Variants in SFMBT2 observed in about 807,000 individuals in gnomAD.
The protein encoded by SFMBT2 is scm-like with four MBT domains protein 2.
Under a neutral mutation model 110.1 loss-of-function variants are expected in SFMBT2, and 38 were observed. The ratio of observed to expected loss-of-function variants is 0.35; its 90% CI spans 0.27 to 0.45. The LOEUF is 0.45. Ranked by LOEUF, SFMBT2 falls within the 20% of genes least tolerant of loss-of-function variation. The pLI is 1.00. For synonymous variants in SFMBT2, 425 were observed against 425.4 expected (o/e 1.00, Z 0.01); for missense variants, 1,011 against 1,094.9 (o/e 0.92, Z 1.08).
intron 2 of SFMBT2, among the ~76,000 whole-genome samples, chr10:7,376,436 C>G (rs1203445379): frequency 1.3e-5 from 2 of 151,926 alleles, no homozygotes; most frequent in East Asian, 3.9e-4. Context: ...AAGGTCCCCC[C>G]ACCCTGTAGT....
chr10:7,246,454 C>A (rs1056664938), intron 8 of SFMBT2, among the ~76,000 whole-genome samples: 17 of 151,184 alleles, frequency 1.1e-4, no homozygotes, highest in South Asian at 4.2e-4. Flanking sequence ...GGTGCAGTGG[C>A]TCACGCCTAT....
chr10:7,225,270 G>A (rs1361446332), intron 10 of SFMBT2, among the ~76,000 whole-genome samples: 2 of 152,178 alleles, frequency 1.3e-5, no homozygotes, highest in African/African-American at 4.8e-5. Flanking sequence ...TTACCTGTGA[G>A]TTTATTTACC....
At chr10:7,394,119 C>A (rs1054350899) in intron 1 of SFMBT2, among the ~76,000 whole-genome samples, 1 of 152,072 alleles carries the variant, frequency 6.6e-6, no homozygotes, top group Non-Finnish European at 1.5e-5. Context: ...CCTAACTCAG[C>A]CTCTCAAGTA....
chr10:7,168,340 G>A lies in SFMBT2; in HGVS notation c.2544+2588C>T, dbSNP rs1472933132. 3.9e-5 allele frequency among the ~76,000 whole-genome samples: 6 copies of A among 152,262 alleles called. No homozygotes were observed. The East Asian group carries it at 1.2e-3, about 29-fold the overall frequency. The stretch of plus-strand genomic sequence containing the variant: ...GTATAAGCCCTCATACCTAACCTGG[G>A]ATCTAGAAATGAGAAATCTGCTCTT... On this transcript the variant is annotated intron_variant, in intron 20 of 20. Transcript: ENST00000397167.
chr10:7,380,777 T>A (rs1312432441), intron 2 of SFMBT2, among the ~76,000 whole-genome samples: 1 of 152,166 alleles, frequency 6.6e-6, no homozygotes, highest in Non-Finnish European at 1.5e-5. Context: ...AGGCTAGGTG[T>A]GGTGAATCAC....
chr10:7,276,417 A>G (rs934751279), intron 7 of SFMBT2, among the ~76,000 whole-genome samples: 1 of 152,260 alleles, frequency 6.6e-6, no homozygotes, highest in Non-Finnish European at 1.5e-5. Flanking sequence ...AATATGGGTC[A>G]TTATGAAGAT....
chr10:7,393,012 T>A (rs1265739165), intron 1 of SFMBT2, among the ~76,000 whole-genome samples: 2 of 87,854 alleles, frequency 2.3e-5, no homozygotes, highest in African/African-American at 1.5e-4. Context: ...TATATATATA[T>A]ATATATATAT....
intron 4 of SFMBT2, among the ~76,000 whole-genome samples, chr10:7,289,233 A>C (rs1176131697): frequency 6.6e-6 from 1 of 152,216 alleles, no homozygotes; most frequent in Non-Finnish European, 1.5e-5. Context: ...TTACAAAAGA[A>C]GAACAATTAT....
intron 4 of SFMBT2, among the ~76,000 whole-genome samples, chr10:7,346,987 C>G (rs1844134736): frequency 7.1e-6 from 1 of 140,454 alleles, no homozygotes; most frequent in Non-Finnish European, 1.5e-5. Context: ...CAGACTCTGT[C>G]TCAAAACAAA....
intron 20 of SFMBT2, among the ~76,000 whole-genome samples, chr10:7,166,359 G>A (rs1344336761): frequency 6.6e-6 from 1 of 152,236 alleles, no homozygotes; most frequent in Non-Finnish European, 1.5e-5. Flanking sequence ...ACTTGGGCAT[G>A]ATGGTGATTC....
chr10:7,226,556 G>T (rs1235909128), intron 10 of SFMBT2, among the ~76,000 whole-genome samples: 1 of 152,242 alleles, frequency 6.6e-6, no homozygotes, highest in Non-Finnish European at 1.5e-5. Flanking sequence ...CAGATCTCAA[G>T]TAAGAGGAGG....
At chr10:7,320,588 C>T (rs1843156363) in intron 4 of SFMBT2, 6 of 985,128 alleles carry the variant, frequency 6.1e-6, no homozygotes, top group South Asian at 9.4e-5. Context: ...TAAAGTCACA[C>T]CTGCTGAGAG....
chr10:7,181,069 T>C (rs942833898), intron 16 of SFMBT2, among the ~76,000 whole-genome samples: 1 of 151,888 alleles, frequency 6.6e-6, no homozygotes, highest in Non-Finnish European at 1.5e-5. Context: ...TGAAACCCCA[T>C]CTCTCCTAAA....
chr10:7,389,961 C>G (rs1487295282), intron 1 of SFMBT2, among the ~76,000 whole-genome samples: 2 of 152,200 alleles, frequency 1.3e-5, no homozygotes, highest in Non-Finnish European at 2.9e-5. Flanking sequence ...ACAGGCTAAG[C>G]AAAGCCTTGT....
intron 1 of SFMBT2, among the ~76,000 whole-genome samples, chr10:7,388,892 G>A (rs1588503969): frequency 6.6e-6 from 1 of 152,080 alleles, no homozygotes; most frequent in Admixed American, 6.6e-5. Flanking sequence ...TTCAGAAAAA[G>A]CACTCAGGGA....
At chr10:7,264,190 T>C (rs1841310861) in intron 7 of SFMBT2, 1 of 244,238 alleles carries the variant, frequency 4.1e-6, no homozygotes, top group Non-Finnish European at 6.6e-6. Flanking sequence ...CCTTCCTTTA[T>C]TAAACATCGA....
At chr10:7,267,303 C>A (rs1336971964) in intron 7 of SFMBT2, among the ~76,000 whole-genome samples, 1 of 152,198 alleles carries the variant, frequency 6.6e-6, no homozygotes, top group Non-Finnish European at 1.5e-5. Context: ...AACCTATAAC[C>A]ATGAGTGTAA....
chr10:7,178,806 C>T (rs1838153585), intron 16 of SFMBT2, among the ~76,000 whole-genome samples: 1 of 152,182 alleles, frequency 6.6e-6, no homozygotes, highest in Non-Finnish European at 1.5e-5. Context: ...ATATGATATA[C>T]ATAATGCCTG....
chr10:7,355,674 G>T (rs11598630), intron 4 of SFMBT2, among the ~76,000 whole-genome samples: 2,048 of 152,264 alleles, frequency 0.013, 14 homozygotes, highest in Middle Eastern at 0.027. Context: ...TTAGCTGGGC[G>T]TGGTGGCGGG....
Sources: gnomAD v4.1 joint callset for allele counts (sites outside exome capture counted in the v4.1 genomes callset) on GRCh38, gnomAD v4.1.1 for gene constraint, MANE v1.5 for transcripts, NCBI Gene and HGNC (gene_info 2026-07-23, HGNC 2026-07-21) for gene names.